TTN: variants seen among roughly 807,000 people sequenced by gnomAD.
The protein encoded by TTN is connectin.
A neutral mutation model predicts 3,223.0 loss-of-function variants in TTN; 1,525 were observed. The observed-to-expected ratio is 0.47, with a 90% CI of 0.45 to 0.49. TTN has a LOEUF of 0.49. TTN is among the 20% of genes least tolerant of loss of function. TTN has a pLI of 0.00. For missense variants in TTN, 40,786 were observed against 43,424.0 expected, an observed-to-expected ratio of 0.94 and a Z score of 5.40; for synonymous variants, 14,094 against 15,161.0, an observed-to-expected ratio of 0.93 and a Z score of 5.17.
intron 240 of TTN, among the ~76,000 whole-genome samples, chr2:178,628,116 G>GA (rs2059303738): frequency 6.6e-6 from 1 of 152,028 alleles, no homozygotes; most frequent in Non-Finnish European, 1.5e-5. Context: ...CTTATTATCT[G>GA]TATAACAGGC....
rs1397706325 is a variant in TTN at position 178,617,373 on chromosome 2, A to G, written c.47712T>C (p.Asp15904=). Residue 15904 remains aspartate (D), a synonymous_variant, in exon 254 of 363, where the codon GAT becomes GAC. Transcript: ENST00000589042. The part of the protein sequence containing the change: ...YIIERCEEGK[D]NWIRCNMKLV... Reference sequence around the variant, plus strand: ...GTTTCATATTGCAACGAATCCAATTATCTTTTCCTTCTTCGCATCGCTCAA... The same window carrying G: ...GTTTCATATTGCAACGAATCCAATTGTCTTTTCCTTCTTCGCATCGCTCAA... 7.6e-6 allele frequency: 12 copies of G among 1,587,258 alleles called. No individual in the cohort carries two copies. Among genetic ancestry groups the G allele is most frequent in the African/African-American group, 6.8e-5 (5 of 73,750 alleles).
chr2:178,758,982 A>G lies in TTN; in HGVS notation c.10303+2T>C, dbSNP rs371596417. The G allele has an allele frequency of 5.3e-5, 86 of 1,613,976 alleles. No homozygotes were observed. Among genetic ancestry groups the G allele is most frequent in the Non-Finnish European group, 7.1e-5 (84 of 1,179,892 alleles). ...GGGGTTCTGAAAGTTGTTTTACTTT[A>G]CCTTCCAGACTCAGGTTGGCTGTGC... On this transcript the variant is annotated splice_donor_variant, in intron 44 of 362. Coordinates refer to ENST00000589042, the MANE Select transcript of TTN (RefSeq NM_001267550.2). LOFTEE classifies it high-confidence loss of function.
Position 178,740,747 on chromosome 2 carries a change from G to C in TTN, c.12486C>G (p.Ser4162=), listed in dbSNP as rs2082345688. 6.2e-7 allele frequency: 1 copy of C among 1,613,712 alleles called. No homozygotes were observed. Among genetic ancestry groups the C allele is most frequent in the African/African-American group, 1.3e-5 (1 of 75,012 alleles). ...LQIVQSQKTF[S]KEGILMPEEP... ...CTTCAGGCATTAGAATACCTTCTTT[G>C]GAGAAGGTTTTCTGGGACTGTACAA... is the stretch of plus-strand genomic sequence containing the variant. Residue 4162 remains serine, a synonymous_variant, in exon 48 of 363, where the codon TCC becomes TCG. Coordinates refer to ENST00000589042, the MANE Select transcript of TTN (RefSeq NM_001267550.2).
intron 234 of TTN, 37 bp from the exon 235 acceptor site, chr2:178,632,829 T>C: frequency 6.2e-7 from 1 of 1,612,660 alleles, no homozygotes; most frequent in Non-Finnish European, 8.5e-7. Context: ...TCAGAATACG[T>C]TTCCATTGAT....
At position 178,549,010 on chromosome 2, in the gene TTN, A is replaced by G. The variant is rs1199088886; in HGVS notation, c.92616T>C (p.Asn30872=). Residue 30872 remains asparagine, a synonymous_variant, in exon 339 of 363, where the codon AAT becomes AAC. Transcript: ENST00000589042. Reference sequence around the variant, plus strand: ...ATCTTGTTTTCACACATGCCTCTGCATTCACCTTGTGCCAGTCTCCTAAGT... The same window carrying G: ...ATCTTGTTTTCACACATGCCTCTGCGTTCACCTTGTGCCAGTCTCCTAAGT... The part of the protein sequence containing the change: ...KADLGDWHKV[N]AEACVKTRYT... 1.9e-6 allele frequency: 3 copies of G among 1,613,804 alleles called. No individual in the cohort carries two copies. The highest frequency in any genetic ancestry group is 1.7e-5 in the Admixed American group (1 of 59,992).
chr2:178,615,996 C>T (rs1187983181), intron 257 of TTN, among the ~76,000 whole-genome samples: 1 of 151,778 alleles, frequency 6.6e-6, no homozygotes, highest in African/African-American at 2.4e-5. Context: ...ATAGTTTGTA[C>T]ACATGAAAAA....
In TTN at chr2:178,620,784, T is replaced by G; in HGVS notation, c.45826A>C (p.Asn15276His). 1 of 1,612,852 alleles carries G rather than the reference T, an allele frequency of 6.2e-7. No homozygotes were observed. Among genetic ancestry groups the G allele is most frequent in the Non-Finnish European group, 8.5e-7 (1 of 1,179,172 alleles). ...IRDAHLDDQA[N>H]YNVSLTNHRG... ...TGATTGGTCAAAGACACATTATAGTTGGCTTGGTCATCTAAGTGTGCATCT... is the reference window on the plus strand; with the variant it reads ...TGATTGGTCAAAGACACATTATAGTGGGCTTGGTCATCTAAGTGTGCATCT... The change falls in exon 247 of 363, where the codon AAC becomes CAC. Residue 15276 changes from asparagine (N) to histidine (H), a missense_variant. Asn to His is a moderately conservative substitution (Grantham distance 68). Transcript: ENST00000589042.
chr2:178,600,021 G>A (rs1428898329), intron 288 of TTN, among the ~76,000 whole-genome samples, 171 bp from the exon 289 acceptor site: 1 of 151,996 alleles, frequency 6.6e-6, no homozygotes, highest in Admixed American at 6.6e-5. Context: ...TTGGGGAGCA[G>A]GTACACGGGG....
intron 7 of TTN, 143 bp from the exon 8 acceptor site, chr2:178,794,694 G>C: frequency 8.8e-7 from 1 of 1,133,942 alleles, no homozygotes; most frequent in Non-Finnish European, 1.3e-6. Flanking sequence ...TACAGAGACT[G>C]TATCATTAAA....
At position 178,548,458 on chromosome 2, in the gene TTN, T is replaced by C. The variant is rs1202181464; in HGVS notation, c.93168A>G (p.Arg31056=). The C allele has an allele frequency of 2.5e-6, 4 of 1,613,774 alleles. No individual in the cohort carries two copies. Among genetic ancestry groups the C allele is most frequent in the Non-Finnish European group, 3.4e-6 (4 of 1,179,816 alleles). The change falls in exon 339 of 363, where the codon CGA becomes CGG. Residue 31056 remains arginine, a synonymous_variant. Transcript: ENST00000589042. This position sits in a 1 kb window ranked among gnomAD's most constrained non-coding sequence, Gnocchi z 4.3. ...ARIHHYVVEK[R]EASRRSWQVI... ...CCTGCCAACTACGGCGACTTGCCTC[T>C]CGTTTCTCTACCACATAATGATGGA...
rs59989386 is a variant in TTN at position 178,699,383 on chromosome 2, C to CTTTTTTT, written c.30683-476_30683-470dup. On this transcript the variant is annotated intron_variant, in intron 111 of 362. Transcript: ENST00000589042. ...TTTGTATTCATGAATAAATAACACT[C>CTTTTTTT]TTTTTTTTTTTTTTTTTTTTTTTTT... Among the ~76,000 whole-genome samples the CTTTTTTT allele has an allele frequency of 3.6e-4, 16 of 44,912 alleles. 5 individuals carry two copies. Among genetic ancestry groups the CTTTTTTT allele is most frequent in the Non-Finnish European group, 6.1e-4 (14 of 22,892 alleles). 29.5% of individuals were successfully genotyped at this position (44,912 alleles called of 152,430 possible).
rs976129365 is a variant in TTN at position 178,714,169 on chromosome 2, G to A, written c.26489C>T (p.Ala8830Val). 1 of 1,608,274 alleles carries A rather than the reference G, an allele frequency of 6.2e-7. No individual in the cohort carries two copies. The highest frequency in any genetic ancestry group is 1.3e-5 in the African/African-American group (1 of 74,622). The change falls in exon 92 of 363, where the codon GCA (alanine) becomes GTA (valine). Residue 8830 changes from alanine (A) to valine (V), a missense_variant. Physicochemically the swap from Ala to Val is moderately conservative, Grantham distance 64. Coordinates refer to ENST00000589042, the MANE Select transcript of TTN (RefSeq NM_001267550.2). ...GGATTCTGGCTTTTCTACAATTGTT[G>A]CAGGCTCTGGAATGAAATGTAAAAG... Reference protein sequence around the residue: ...CFATLSVLEPATIVEKPESIK... With the variant: ...CFATLSVLEPVTIVEKPESIK...
chr2:178,755,024 A>T (rs2086549689), intron 46 of TTN, among the ~76,000 whole-genome samples: 1 of 152,148 alleles, frequency 6.6e-6, no homozygotes, highest in South Asian at 2.1e-4. Flanking sequence ...TATGGCCAGG[A>T]TCAGGGAGGA....
chr2:178,679,756 C>A (rs1003121733), intron 140 of TTN, 74 bp from the exon 141 acceptor site: 4 of 1,535,480 alleles, frequency 2.6e-6, no homozygotes, highest in Non-Finnish European at 3.5e-6. Context: ...CTGTAGAAAT[C>A]ATATTTCAGC....
chr2:178,582,288 G>A lies in TTN; in HGVS notation c.66160+8C>T, dbSNP rs2047958013. ...ATAAAATGAAAAACCACCGGGAAAT[G>A]TTCCTACCATATGGGTTTTTGGCAA... On this transcript the variant is annotated splice_region_variant and intron_variant, in intron 314 of 362. Transcript: ENST00000589042. The A allele has an allele frequency of 3.8e-6, 6 of 1,581,760 alleles. No homozygotes were observed. Among genetic ancestry groups the A allele is most frequent in the Admixed American group, 2.0e-5 (1 of 50,664 alleles).
Position 178,593,847 on chromosome 2 carries a change from C to G in TTN, c.58453G>C (p.Gly19485Arg). Residue 19485 changes from glycine to arginine, a missense_variant, in exon 298 of 363, where the codon GGA becomes CGA. Gly to Arg is a moderately radical substitution (Grantham distance 125, BLOSUM62 -2). Coordinates refer to ENST00000589042, the MANE Select transcript of TTN (RefSeq NM_001267550.2). ...GTCACCTCATCAAAACTAACTGGTC[C>G]TACTGGTGGTCCAGGACGGTCTGCA... The part of the protein sequence containing the change: ...NVVDRPGPPV[G>R]PVSFDEVTKD... 6.2e-7 allele frequency: 1 copy of G among 1,612,820 alleles called. No individual in the cohort carries two copies. Among genetic ancestry groups the G allele is most frequent in the Non-Finnish European group, 8.5e-7 (1 of 1,179,500 alleles).
In TTN at chr2:178,576,115, C is replaced by T. The variant is rs1438979931; in HGVS notation, c.70017G>A (p.Glu23339=). Residue 23339 remains glutamate, a synonymous_variant, in exon 326 of 363, where the codon GAG becomes GAA. Transcript: ENST00000589042. The surrounding 1 kb of genome is among the most constrained non-coding windows in gnomAD (Gnocchi z 4.3). ...VIPDVEIVER[E]MAPDFELDAE... is the part of the protein sequence containing the mutation. ...CATCTAGTTCAAAATCAGGAGCCAT[C>T]TCCCGTTCTACGATTTCAACATCTG... 1.9e-6 allele frequency: 3 copies of T among 1,613,478 alleles called. No individual in the cohort carries two copies. The highest frequency in any genetic ancestry group is 1.1e-5 in the South Asian group (1 of 91,060).
At chr2:178,595,296 A>C (rs78682640) in intron 295 of TTN, among the ~76,000 whole-genome samples, 19 of 151,270 alleles carry the variant, frequency 1.3e-4, no homozygotes, top group Middle Eastern at 3.4e-3. Flanking sequence ...AAAAAAAAAA[A>C]CAAAAAGAAA....
intron 288 of TTN, 52 bp from the exon 289 acceptor site, chr2:178,599,902 G>C: frequency 6.7e-7 from 1 of 1,485,468 alleles, no homozygotes; most frequent in Non-Finnish European, 9.0e-7. Flanking sequence ...TTGAGGGATA[G>C]AAAGTAGAAT....
Sources: allele counts gnomAD v4.1 joint callset (sites outside exome capture counted in the v4.1 genomes callset), GRCh38; gene constraint gnomAD v4.1.1; non-coding constraint Gnocchi (gnomAD v3.1); transcripts MANE v1.5; gene names NCBI Gene and HGNC (gene_info 2026-07-23, HGNC 2026-07-21).